The following AGAP1 variants were observed in gnomAD, a reference collection of about 807,000 sequenced individuals.
The protein encoded by AGAP1 is ArfGAP with GTPase domain, ankyrin repeat and PH domain 1, also known as arf-GAP with GTPase, ANK repeat and PH domain-containing protein 1.
A neutral mutation model predicts 105.3 loss-of-function variants in AGAP1; 29 were observed. The observed-to-expected ratio is 0.28, with a 90% CI of 0.21 to 0.38. The LOEUF is 0.38. Among genes scored for constraint, AGAP1 ranks in the 10% least tolerant of loss-of-function variants. The pLI, the probability that AGAP1 is intolerant of heterozygous loss-of-function variation, is 1.00. For missense variants in AGAP1, 998 were observed against 1,165.1 expected (o/e 0.86, Z 2.09); for synonymous variants, 509 against 485.9 (o/e 1.05, Z -0.63).
intron 1 of AGAP1, among the ~76,000 whole-genome samples, chr2:235,572,807 C>T (rs570055561): frequency 3.3e-5 from 5 of 152,282 alleles, no homozygotes; most frequent in South Asian, 2.1e-4. Context: ...GTGTGCTCAG[C>T]GTGTGCCCAG....
rs758778472 is a variant in AGAP1 at position 235,670,163 on chromosome 2, A to G, written c.164-39016A>G. ...ACCCGCGGACGCGATGCCGCGCGGGACGCCCCCCAGAAAGACTGTCTACCG... is the reference window on the plus strand; with the variant it reads ...ACCCGCGGACGCGATGCCGCGCGGGGCGCCCCCCAGAAAGACTGTCTACCG... On this transcript the variant is annotated intron_variant, in intron 1 of 17. Transcript: ENST00000304032. 6.5e-5 allele frequency: 38 copies of G among 581,962 alleles called. 1 individual carries two copies. The highest frequency in any genetic ancestry group is 1.6e-4 in the South Asian group (9 of 56,934). 36.0% of individuals were successfully genotyped at this position (581,962 alleles called of 1,614,324 possible).
chr2:235,987,715 C>G (rs2055381425), intron 13 of AGAP1, among the ~76,000 whole-genome samples: 1 of 152,084 alleles, frequency 6.6e-6, no homozygotes, highest in South Asian at 2.1e-4. Flanking sequence ...TCTCTTTGTT[C>G]TCATTGGTTT....
At position 235,824,777 on chromosome 2, in the gene AGAP1, A is replaced by C. The variant is rs184851068; in HGVS notation, c.1050+17446A>C. Among the ~76,000 whole-genome samples the C allele has an allele frequency of 6.6e-6, 1 of 152,204 alleles. No homozygotes were observed. On this transcript the variant is annotated intron_variant, in intron 9 of 17. Coordinates refer to ENST00000304032, the MANE Select transcript of AGAP1 (RefSeq NM_001037131.3). The surrounding 1 kb of genome is among the most constrained non-coding windows in gnomAD (Gnocchi z 5.2). ...TCTTTCGCGGTACCAAGAAATGCTC[A>C]ACCTAAAACACAACTGTGTTTTTCT...
chr2:235,752,752 GCTT>G lies in AGAP1; in HGVS notation c.673+2268_673+2270del, dbSNP rs547147343. ...ATGAGTTTTCCATAAATTGATGAGT[GCTT>G]CTTATAAAAATAATGTTGTCAATTA... On this transcript the variant is annotated intron_variant, in intron 6 of 17. Transcript: ENST00000304032. This position sits in a 1 kb window ranked among gnomAD's most constrained non-coding sequence, Gnocchi z 4.3. Among the ~76,000 whole-genome samples, 87 of 152,304 alleles carry G rather than the reference GCTT, an allele frequency of 5.7e-4. 1 individual carries two copies. The highest frequency in any genetic ancestry group is 2.0e-3 in the African/African-American group (85 of 41,568).
In AGAP1 at chr2:235,792,279, T is replaced by C. The variant is rs549924668; in HGVS notation, c.674-5480T>C. 6.6e-6 allele frequency among the ~76,000 whole-genome samples: 1 copy of C among 152,304 alleles called. No individual in the cohort carries two copies. Among genetic ancestry groups the C allele is most frequent in the South Asian group, 2.1e-4 (1 of 4,824 alleles). ...CTTCCTTAGTTCTCTGCCCCCACTT[T>C]TCCCCACCCTTCACGTGTCATCTGG... On this transcript the variant is annotated intron_variant, in intron 6 of 17. Transcript: ENST00000304032. The surrounding 1 kb of genome is among the most constrained non-coding windows in gnomAD (Gnocchi z 5.3).
At chr2:235,849,391 A>G (rs1179986020) in intron 9 of AGAP1, among the ~76,000 whole-genome samples, 2 of 152,210 alleles carry the variant, frequency 1.3e-5, no homozygotes, top group African/African-American at 4.8e-5. Context: ...CCAAGTATTC[A>G]TTGTTCGAAA....
chr2:235,703,726 AC>A (rs1950378719), intron 1 of AGAP1, among the ~76,000 whole-genome samples: 2 of 151,682 alleles, frequency 1.3e-5, no homozygotes, highest in African/African-American at 4.8e-5. Flanking sequence ...GCCTCCAAGT[AC>A]CTGGGATTAC....
rs570289775 is a variant in AGAP1 at position 235,737,554 on chromosome 2, A to G, written c.311-3409A>G. The stretch of plus-strand genomic sequence containing the variant: ...CTAGGGAACCTTTCGTAACTTGAAT[A>G]TTGTGATTCAGCCACCTGGAAGCTT... On this transcript the variant is annotated intron_variant, in intron 3 of 17. Transcript: ENST00000304032. This position sits in a 1 kb window ranked among gnomAD's most constrained non-coding sequence, Gnocchi z 4.5. Among the ~76,000 whole-genome samples, 4 of 152,302 alleles carry G rather than the reference A, an allele frequency of 2.6e-5. 1 individual carries two copies. The East Asian group carries it at 5.8e-4, about 22-fold the overall frequency.
intron 1 of AGAP1, among the ~76,000 whole-genome samples, chr2:235,587,714 C>T (rs1294914748): frequency 1.3e-5 from 2 of 151,546 alleles, no homozygotes; most frequent in Non-Finnish European, 2.9e-5. Context: ...GAGATAGCCC[C>T]ATTTCACTCC....
chr2:235,919,933 T>C lies in AGAP1; in HGVS notation c.1325-10832T>C, dbSNP rs2052094468. 6.6e-6 allele frequency among the ~76,000 whole-genome samples: 1 copy of C among 152,186 alleles called. No individual in the cohort carries two copies. The highest frequency in any genetic ancestry group is 2.4e-5 in the African/African-American group (1 of 41,438). ...CAAGACAAGCCGTACGATGGCGCTC[T>C]CCATAAACACTGTCGGAATCTGGAG... On this transcript the variant is annotated intron_variant, in intron 11 of 17. Transcript: ENST00000304032. The surrounding 1 kb of genome is among the most constrained non-coding windows in gnomAD (Gnocchi z 4.1).
At chr2:236,071,550 T>C (rs1305583594) in intron 16 of AGAP1, among the ~76,000 whole-genome samples, 1 of 152,236 alleles carries the variant, frequency 6.6e-6, no homozygotes, top group Admixed American at 6.5e-5. Flanking sequence ...TTATGTGTGC[T>C]GTGTGTGCAG....
In AGAP1 at chr2:235,785,978, C is replaced by A. The variant is rs562809646; in HGVS notation, c.674-11781C>A. 4.6e-5 allele frequency among the ~76,000 whole-genome samples: 7 copies of A among 152,296 alleles called. No homozygotes were observed. In the East Asian group the frequency reaches 1.4e-3, roughly 29 times the overall value. On this transcript the variant is annotated intron_variant, in intron 6 of 17. Coordinates refer to ENST00000304032, the MANE Select transcript of AGAP1 (RefSeq NM_001037131.3). ...CGTGGAAGAGTGTTGAGGAGCCTCA[C>A]GTGCAGATTGAAGAATTGCCGGGTG...
At position 235,690,407 on chromosome 2, in the gene AGAP1, G is replaced by C. The variant is rs1949684156; in HGVS notation, c.164-18772G>C. On this transcript the variant is annotated intron_variant, in intron 1 of 17. Transcript: ENST00000304032. The surrounding 1 kb of genome is among the most constrained non-coding windows in gnomAD (Gnocchi z 4.1). ...CAGGTTAAATTGTGTTTCAAAGGCA[G>C]AGCTCACATTGGAGCACTTGATATT... Among the ~76,000 whole-genome samples the C allele has an allele frequency of 6.6e-6, 1 of 152,180 alleles. No individual in the cohort carries two copies. The highest frequency in any genetic ancestry group is 2.1e-4 in the South Asian group (1 of 4,826).
intron 16 of AGAP1, among the ~76,000 whole-genome samples, chr2:236,102,316 C>G (rs2059373431): frequency 7.6e-6 from 1 of 131,128 alleles, no homozygotes; most frequent in East Asian, 2.2e-4. Context: ...ACTCAGGAGG[C>G]AGAGGCAAGG....
chr2:235,701,994 G>A lies in AGAP1; in HGVS notation c.164-7185G>A, dbSNP rs1168973284. Among the ~76,000 whole-genome samples the A allele has an allele frequency of 6.6e-6, 1 of 152,092 alleles. No individual in the cohort carries two copies. The highest frequency in any genetic ancestry group is 1.5e-5 in the Non-Finnish European group (1 of 68,030). On this transcript the variant is annotated intron_variant, in intron 1 of 17. Coordinates refer to ENST00000304032, the MANE Select transcript of AGAP1 (RefSeq NM_001037131.3). The surrounding 1 kb of genome is among the most constrained non-coding windows in gnomAD (Gnocchi z 4.1). ...AGTTAAAATCCTTGTGACGTTTAAG[G>A]TTTTCAAAGAAAATTCCCAATTTCT...
intron 8 of AGAP1, among the ~76,000 whole-genome samples, chr2:235,804,418 G>C (rs1957735957): frequency 6.6e-6 from 1 of 152,180 alleles, no homozygotes; most frequent in Non-Finnish European, 1.5e-5. Context: ...AAATAAGGCA[G>C]CAAAATTCAT....
intron 16 of AGAP1, among the ~76,000 whole-genome samples, chr2:236,108,059 T>C (rs1053945228): frequency 2.6e-5 from 4 of 152,232 alleles, no homozygotes; most frequent in African/African-American, 9.6e-5. Context: ...GGATTTACAG[T>C]GGCCAGCTTC....
rs543558882 is a variant in AGAP1 at position 235,753,526 on chromosome 2, G to A, written c.673+3038G>A. On this transcript the variant is annotated intron_variant, in intron 6 of 17. Transcript: ENST00000304032. This position sits in a 1 kb window ranked among gnomAD's most constrained non-coding sequence, Gnocchi z 4.5. ...TCGAGACCAGCCTGGCCACCATGGC[G>A]AAATCCCATCTCTACTAAAATTGCA... Among the ~76,000 whole-genome samples the A allele has an allele frequency of 2.0e-5, 3 of 152,208 alleles. No individual in the cohort carries two copies. Among genetic ancestry groups the A allele is most frequent in the South Asian group, 2.1e-4 (1 of 4,830 alleles).
chr2:235,626,848 TTC>T (rs1946653522), intron 1 of AGAP1, among the ~76,000 whole-genome samples: 1 of 152,222 alleles, frequency 6.6e-6, no homozygotes. Flanking sequence ...CATGGCGTGT[TTC>T]AATAAAACTT....
Sources: allele counts gnomAD v4.1 joint callset (sites outside exome capture counted in the v4.1 genomes callset), GRCh38; gene constraint gnomAD v4.1.1; non-coding constraint Gnocchi (gnomAD v3.1); transcripts MANE v1.5; gene names NCBI Gene and HGNC (gene_info 2026-07-23, HGNC 2026-07-21).